C2CD5: variants seen among roughly 807,000 people sequenced by gnomAD.
The protein encoded by C2CD5 is C2 calcium dependent domain containing 5, also known as C2 domain-containing protein 5.
C2CD5 carries 109 observed loss-of-function variants against 130.3 expected under a neutral mutation model. The observed-to-expected ratio is 0.84, with a 90% CI of 0.72 to 0.98. The LOEUF (loss-of-function observed/expected upper bound fraction) is 0.98, where lower values mean the gene tolerates loss of function less well. Ranked by LOEUF, C2CD5 falls within the 50% of genes least tolerant of loss-of-function variation. C2CD5 has a pLI of 0.00. For missense variants in C2CD5, 996 were observed against 1,261.8 expected (o/e 0.79, Z 3.19); for synonymous variants, 454 against 429.2 (o/e 1.06, Z -0.71).
chr12:22,505,224 A>C (rs1357497522), intron 10 of C2CD5, among the ~76,000 whole-genome samples: 9 of 150,944 alleles, frequency 6.0e-5, no homozygotes, highest in Admixed American at 5.9e-4. Context: ...TGGTCCAATA[A>C]CTTCAAAGCA....
chr12:22,499,731 A>G (rs890390817), intron 10 of C2CD5, among the ~76,000 whole-genome samples: 2 of 152,194 alleles, frequency 1.3e-5, no homozygotes, highest in African/African-American at 2.4e-5. Flanking sequence ...AATGTCACAC[A>G]TAAGATTTGT....
At chr12:22,473,679 A>T (rs1490610095) in intron 16 of C2CD5, among the ~76,000 whole-genome samples, 1 of 152,154 alleles carries the variant, frequency 6.6e-6, no homozygotes, top group Non-Finnish European at 1.5e-5. Flanking sequence ...CATCACCTGG[A>T]AAGTTTGTTA....
At chr12:22,471,923 T>G in intron 19 of C2CD5, 44 bp downstream of exon 19, 3 of 1,046,242 alleles carry the variant, frequency 2.9e-6, no homozygotes, top group Non-Finnish European at 4.5e-6. Flanking sequence ...TAAAATTTCA[T>G]TATTATAGAC....
In C2CD5 at chr12:22,455,657, C is replaced by T. The variant is rs374856592; in HGVS notation, c.2877+1314G>A. ...CTTCATAGTTTATTTTTCATCTTAACGTAATTAAGAGTGATATAAAAACTA... is the reference window on the plus strand; with the variant it reads ...CTTCATAGTTTATTTTTCATCTTAATGTAATTAAGAGTGATATAAAAACTA... On this transcript the variant is annotated intron_variant, in intron 25 of 26. Transcript: ENST00000446597. 1.1e-4 allele frequency among the ~76,000 whole-genome samples: 16 copies of T among 152,158 alleles called. 2 individuals are homozygous for T. Among genetic ancestry groups the T allele is most frequent in the Non-Finnish European group, 4.4e-5 (3 of 68,002 alleles).
intron 8 of C2CD5, 95 bp downstream of exon 8, chr12:22,517,891 C>A: frequency 9.4e-7 from 1 of 1,068,384 alleles, no homozygotes; most frequent in Non-Finnish European, 1.3e-6. Context: ...ACTTAAGTGC[C>A]AAAAACAAGA....
intron 14 of C2CD5, among the ~76,000 whole-genome samples, chr12:22,480,748 A>T (rs571112516): frequency 1.3e-5 from 2 of 152,300 alleles, no homozygotes; most frequent in South Asian, 4.1e-4. Context: ...ACAAATTTTT[A>T]GACCACTGAA....
rs1194099186 is a variant in C2CD5 at position 22,506,773 on chromosome 12, ACAAGGAATCCAGGAGGAAATGCCGT to A, written c.1060_1084del (p.Thr354TyrfsTer6). On this transcript the variant is annotated frameshift_variant, in exon 10 of 27. Coordinates refer to ENST00000446597, the MANE Select transcript of C2CD5 (RefSeq NM_001286176.2). LOFTEE classifies it high-confidence loss of function. ...TGCACTAACTACACCCCCAACGTGT[ACAAGGAATCCAGGAGGAAATGCCGT>A]CAAGGTAAAAAATGGAAATTCCTAG... 2.5e-6 allele frequency: 4 copies of A among 1,612,712 alleles called. No individual in the cohort carries two copies. The highest frequency in any genetic ancestry group is 3.4e-6 in the Non-Finnish European group (4 of 1,178,842).
Position 22,459,393 on chromosome 12 carries a change from T to C in C2CD5, c.2584+99A>G, listed in dbSNP as rs145669768. 168 of 723,806 alleles carry C rather than the reference T, an allele frequency of 2.3e-4. 1 individual carries two copies. In the East Asian group the frequency reaches 4.1e-3, roughly 18 times the overall value. The allele number at this position is 723,806 out of a possible 1,614,324, so 44.8% of individuals were successfully genotyped here. On this transcript the variant is annotated intron_variant, in intron 23 of 26. Coordinates refer to ENST00000446597, the MANE Select transcript of C2CD5 (RefSeq NM_001286176.2). The stretch of plus-strand genomic sequence containing the variant: ...AAGCCAGATTTTGGTGTCTATTCCA[T>C]ATTGTCCAGTGCATTTTCTTCAATG...
intron 22 of C2CD5, among the ~76,000 whole-genome samples, chr12:22,462,460 T>C (rs1404704150): frequency 6.6e-6 from 1 of 152,122 alleles, no homozygotes; most frequent in Non-Finnish European, 1.5e-5. Context: ...TAAATGACCC[T>C]AGAAACTTAG....
At chr12:22,460,881 C>T (rs769112412) in intron 22 of C2CD5, among the ~76,000 whole-genome samples, 2 of 152,014 alleles carry the variant, frequency 1.3e-5, no homozygotes, top group Non-Finnish European at 2.9e-5. Context: ...ACCTGGCCCA[C>T]AGTTTTCATA....
chr12:22,488,433 TTC>T (rs1945870662), intron 12 of C2CD5, among the ~76,000 whole-genome samples: 1 of 151,930 alleles, frequency 6.6e-6, no homozygotes, highest in Non-Finnish European at 1.5e-5. Context: ...CCTTGTTTTT[TTC>T]TTTTTTTTTT....
At chr12:22,511,073 A>G (rs771440555) in intron 9 of C2CD5, among the ~76,000 whole-genome samples, 6 of 152,086 alleles carry the variant, frequency 3.9e-5, no homozygotes, top group Non-Finnish European at 5.9e-5. Context: ...AAAACCTAGC[A>G]ATGCTTCTGT....
chr12:22,507,335 G>C (rs561240406), intron 9 of C2CD5, among the ~76,000 whole-genome samples: 1 of 152,326 alleles, frequency 6.6e-6, no homozygotes, highest in South Asian at 2.1e-4. Context: ...AAAGAGGATA[G>C]TGGCAAATAT....
chr12:22,516,368 T>C (rs1378593045), intron 8 of C2CD5, among the ~76,000 whole-genome samples: 2 of 151,716 alleles, frequency 1.3e-5, no homozygotes, highest in African/African-American at 2.4e-5. Context: ...AATAAACTAT[T>C]GAAGTAATAA....
At chr12:22,477,817 A>G (rs1187117990) in intron 15 of C2CD5, among the ~76,000 whole-genome samples, 1 of 152,184 alleles carries the variant, frequency 6.6e-6, no homozygotes, top group Admixed American at 6.6e-5. Context: ...GAAAAACTAT[A>G]TTCTTTCACA....
chr12:22,478,216 C>G lies in C2CD5; in HGVS notation c.1902+97G>C, dbSNP rs772443853. The stretch of plus-strand genomic sequence containing the variant: ...AGAATGAGTAATAAGGAGAGCTAAA[C>G]AGTGAAAAAAAAATCTTGTGTCCTC... On this transcript the variant is annotated intron_variant, in intron 15 of 26. Transcript: ENST00000446597. 8 of 932,576 alleles carry G rather than the reference C, an allele frequency of 8.6e-6. No homozygotes were observed. The South Asian group carries it at 1.1e-4, about 13-fold the overall frequency. The allele number at this position is 932,576 out of a possible 1,614,324, so 57.8% of individuals were successfully genotyped here.
At chr12:22,537,705 TGTAA>T (rs1342162761) in intron 2 of C2CD5, among the ~76,000 whole-genome samples, 1 of 152,174 alleles carries the variant, frequency 6.6e-6, no homozygotes, top group Non-Finnish European at 1.5e-5. Flanking sequence ...AAAGTGGGAT[TGTAA>T]GTGAGCATTA....
chr12:22,458,568 T>G lies in C2CD5; in HGVS notation c.2602A>C (p.Ser868Arg). 1 of 1,280,082 alleles carries G rather than the reference T, an allele frequency of 7.8e-7. No individual in the cohort carries two copies. The highest frequency in any genetic ancestry group is 9.9e-7 in the Non-Finnish European group (1 of 1,011,626). The allele number at this position is 1,280,082 out of a possible 1,614,324, so 79.3% of individuals were successfully genotyped here. ...AAQRATSVDY[S>R]SFADRCSSWI... ...CTGCTGCATCTGTCTGCAAAGGAAC[T>G]GTAATCAACTGACGTTGCTGAAAAC... The change falls in exon 24 of 27, where the codon AGT (serine) becomes CGT (arginine). Residue 868 changes from serine (S) to arginine (R), a missense_variant. Physicochemically the swap from Ser to Arg is moderately radical, Grantham distance 110 (BLOSUM62 -1). This residue lies in a region of C2CD5 where 590 missense variants were observed against 631.4 expected (regional missense o/e 0.93). Coordinates refer to ENST00000446597, the MANE Select transcript of C2CD5 (RefSeq NM_001286176.2).
intron 15 of C2CD5, 117 bp downstream of exon 15, chr12:22,478,196 G>A (rs1166252230): frequency 5.3e-6 from 4 of 753,698 alleles, no homozygotes; most frequent in East Asian, 5.4e-5. Context: ...GTGAAAGAAT[G>A]AGTAATAAGG....
Sources: gnomAD v4.1 joint callset for allele counts (sites outside exome capture counted in the v4.1 genomes callset) on GRCh38, gnomAD v4.1.1 for gene constraint, gnomAD v4.1.1 regional missense constraint, MANE v1.5 for transcripts, NCBI Gene and HGNC (gene_info 2026-07-23, HGNC 2026-07-21) for gene names.